CPVL: variants seen among roughly 807,000 people sequenced by gnomAD.
CPVL encodes probable serine carboxypeptidase CPVL.
CPVL carries 51 observed loss-of-function variants against 63.7 expected under a neutral mutation model. The ratio of observed to expected loss-of-function variants is 0.80; its 90% CI spans 0.64 to 1.01. CPVL has a LOEUF of 1.01. Among genes scored for constraint, CPVL ranks in the 50% least tolerant of loss-of-function variants. The pLI is 0.00. For missense variants in CPVL, 530 were observed against 573.1 expected (o/e 0.92, Z 0.77); for synonymous variants, 195 against 206.0 (o/e 0.95, Z 0.46).
At chr7:29,095,270 G>A (rs953939098) in intron 4 of CPVL, 128 bp from the exon 5 acceptor site, 6 of 733,920 alleles carry the variant, frequency 8.2e-6, no homozygotes, top group Non-Finnish European at 1.5e-5. Flanking sequence ...TAACAGTGCT[G>A]CACACTCTCA....
chr7:29,041,305 G>T (rs1263532142), intron 11 of CPVL, among the ~76,000 whole-genome samples: 2 of 151,900 alleles, frequency 1.3e-5, no homozygotes, highest in African/African-American at 4.8e-5. Flanking sequence ...TTGAACACCG[G>T]ACCTCAAGTG....
rs887087287 is a variant in CPVL at position 29,093,360 on chromosome 7, A to C, written c.463-658T>G. Among the ~76,000 whole-genome samples the C allele has an allele frequency of 2.0e-5, 3 of 146,562 alleles. No homozygotes were observed. The Admixed American group carries it at 2.1e-4, about 10-fold the overall frequency. Reference sequence around the variant, plus strand: ...CCACTGCATTCCAGCCTGGGTGACCAAGCGAGACTCCGTCTCCAAAAAAAA... The same window carrying C: ...CCACTGCATTCCAGCCTGGGTGACCCAGCGAGACTCCGTCTCCAAAAAAAA... On this transcript the variant is annotated intron_variant, in intron 5 of 12. Coordinates refer to ENST00000265394, the MANE Select transcript of CPVL (RefSeq NM_031311.5).
intron 4 of CPVL, among the ~76,000 whole-genome samples, chr7:29,183,937 C>T (rs117369097): frequency 1.4e-4 from 22 of 152,044 alleles, no homozygotes; most frequent in Non-Finnish European, 2.8e-4. Context: ...GGCATAACAA[C>T]GAGTTACATA....
Position 29,052,661 on chromosome 7 carries a change from G to A in CPVL, c.1137+11400C>T, listed in dbSNP as rs948140039. On this transcript the variant is annotated intron_variant, in intron 11 of 12. Transcript: ENST00000265394. ...ACGGTGGCTCACGCCTGTAATCCCA[G>A]CACTTTGGGAGGTCGAGGCGGGCGG... 1.3e-5 allele frequency among the ~76,000 whole-genome samples: 2 copies of A among 152,174 alleles called. 1 individual carries two copies. Among genetic ancestry groups the A allele is most frequent in the East Asian group, 3.9e-4 (2 of 5,186 alleles).
At chr7:29,136,661 G>A (rs1388413737) in intron 1 of CPVL, among the ~76,000 whole-genome samples, 2 of 152,142 alleles carry the variant, frequency 1.3e-5, no homozygotes, top group African/African-American at 2.4e-5. Context: ...AGAGAAGGAT[G>A]GGGAGGTGGG....
intron 5 of CPVL, among the ~76,000 whole-genome samples, chr7:29,167,891 GCAAAAACCCC>G (rs1336241326): frequency 6.6e-6 from 1 of 152,166 alleles, no homozygotes; most frequent in African/African-American, 2.4e-5. Flanking sequence ...ACTTACTGAT[GCAAAAACCCC>G]CATGCTTTCC....
At chr7:29,184,721 A>G (rs1798502368) in intron 3 of CPVL, among the ~76,000 whole-genome samples, 1 of 152,158 alleles carries the variant, frequency 6.6e-6, no homozygotes, top group Non-Finnish European at 1.5e-5. Flanking sequence ...TTTAAATTTA[A>G]CTTCATTCAA....
chr7:29,021,898 C>T (rs1212711763), intron 12 of CPVL, among the ~76,000 whole-genome samples: 1 of 152,124 alleles, frequency 6.6e-6, no homozygotes, highest in African/African-American at 2.4e-5. Flanking sequence ...CAAAGGTTTA[C>T]AGCATCACGA....
chr7:29,104,859 A>G (rs565134755), intron 3 of CPVL, among the ~76,000 whole-genome samples: 1 of 152,138 alleles, frequency 6.6e-6, no homozygotes. Flanking sequence ...CTTTCTCTCT[A>G]TGTTATTTCA....
At chr7:29,013,934 T>C (rs1786120643) in intron 12 of CPVL, among the ~76,000 whole-genome samples, 1 of 152,238 alleles carries the variant, frequency 6.6e-6, no homozygotes. Flanking sequence ...GAAAATATGC[T>C]CCCAAGAGTT....
chr7:29,056,621 A>T (rs1025410682), intron 11 of CPVL, among the ~76,000 whole-genome samples: 1 of 152,224 alleles, frequency 6.6e-6, no homozygotes, highest in Non-Finnish European at 1.5e-5. Context: ...GGCAATTATG[A>T]ATAAAGCTGT....
chr7:29,039,968 C>T (rs1788911990), intron 11 of CPVL, among the ~76,000 whole-genome samples: 1 of 152,086 alleles, frequency 6.6e-6, no homozygotes, highest in African/African-American at 2.4e-5. Context: ...CTGTGGTTTC[C>T]TGTTTGGGGA....
At chr7:29,181,890 A>G (rs951754398) in intron 4 of CPVL, among the ~76,000 whole-genome samples, 2 of 152,180 alleles carry the variant, frequency 1.3e-5, no homozygotes, top group African/African-American at 4.8e-5. Flanking sequence ...GTATTTATTC[A>G]TGGTGGAGGG....
At chr7:29,012,275 C>G (rs1785929888) in intron 12 of CPVL, 1 of 152,150 alleles carries the variant, frequency 6.6e-6, no homozygotes, top group Non-Finnish European at 1.5e-5. Flanking sequence ...AACCATCACT[C>G]TGGATGATGT....
intron 5 of CPVL, among the ~76,000 whole-genome samples, chr7:29,175,838 C>CA (rs1195421165): frequency 6.6e-6 from 1 of 152,138 alleles, no homozygotes; most frequent in Non-Finnish European, 1.5e-5. Context: ...AATTCACTGA[C>CA]ATTTTAGGAC....
chr7:29,112,011 A>C (rs1354199780), intron 3 of CPVL, among the ~76,000 whole-genome samples: 2 of 152,258 alleles, frequency 1.3e-5, no homozygotes, highest in African/African-American at 4.8e-5. Context: ...TGTCTTGTTC[A>C]TACAGAAGAA....
intron 11 of CPVL, among the ~76,000 whole-genome samples, chr7:29,052,103 G>A (rs1200858847): frequency 1.3e-5 from 2 of 151,878 alleles, no homozygotes; most frequent in African/African-American, 4.8e-5. Flanking sequence ...TAAGCTATGA[G>A]GACGCAAAGG....
At chr7:29,141,506 C>T (rs776767655) in intron 1 of CPVL, among the ~76,000 whole-genome samples, 2 of 151,408 alleles carry the variant, frequency 1.3e-5, no homozygotes, top group African/African-American at 2.4e-5. Flanking sequence ...GCCAAGATCG[C>T]CCCACTGCAC....
intron 11 of CPVL, among the ~76,000 whole-genome samples, chr7:29,051,335 T>C (rs1306070240): frequency 4.0e-5 from 6 of 151,816 alleles, no homozygotes; most frequent in Non-Finnish European, 1.5e-5. Flanking sequence ...TGGGAGAAAA[T>C]CTTCACAATC....
Sources: gnomAD v4.1 joint callset for allele counts (sites outside exome capture counted in the v4.1 genomes callset) on GRCh38, gnomAD v4.1.1 for gene constraint, MANE v1.5 for transcripts, NCBI Gene and HGNC (gene_info 2026-07-23, HGNC 2026-07-21) for gene names.